XYLT2: variants seen among roughly 807,000 people sequenced by gnomAD.
XYLT2 encodes the protein xylosyltransferase 2.
A neutral mutation model predicts 82.6 loss-of-function variants in XYLT2; 37 were observed. The ratio of observed to expected loss-of-function variants is 0.45; its 90% CI spans 0.34 to 0.59. The LOEUF is 0.59. XYLT2 is among the 20% of genes least tolerant of loss of function. The pLI is 0.01. For missense variants in XYLT2, 934 were observed against 1,181.3 expected, an observed-to-expected ratio of 0.79 and a Z score of 3.07; for synonymous variants, 474 against 499.0, an observed-to-expected ratio of 0.95 and a Z score of 0.67.
intron 1 of XYLT2, among the ~76,000 whole-genome samples, chr17:50,348,935 G>A (rs1313657479): frequency 1.3e-5 from 2 of 152,208 alleles, no homozygotes; most frequent in East Asian, 1.9e-4. Flanking sequence ...CTGTGATGAC[G>A]ATGCTCCTTG....
Position 50,346,873 on chromosome 17 carries a change from A to G in XYLT2, c.135+598A>G. 1 of 985,348 alleles carries G rather than the reference A, an allele frequency of 1.0e-6. No homozygotes were observed. The highest frequency in any genetic ancestry group is 1.2e-6 in the Non-Finnish European group (1 of 829,908). 61.0% of individuals were successfully genotyped at this position (985,348 alleles called of 1,614,324 possible). A position where few individuals can be genotyped will look rare whatever the true frequency, so the allele number is the denominator to read the frequency against. On this transcript the variant is annotated intron_variant, in intron 1 of 10. Coordinates refer to ENST00000017003, the MANE Select transcript of XYLT2 (RefSeq NM_022167.4). This position sits in a 1 kb window ranked among gnomAD's most constrained non-coding sequence, Gnocchi z 5.1. ...AGTATTCCCGAGGTGTGGCTTCCTC[A>G]GCCGGGGGTTTGAAGAACCTGGATG...
Position 50,360,327 on chromosome 17 carries a change from A to T in XYLT2, c.*36A>T, listed in dbSNP as rs955913317. ...GCCAGTACCCGTGGAGGACCCGGGA[A>T]ATTGCACCTTACAGACAGTGGAGGG... On this transcript the variant is annotated 3_prime_UTR_variant, in exon 11 of 11. Transcript: ENST00000017003. 1.3e-6 allele frequency: 2 copies of T among 1,530,276 alleles called. No individual in the cohort carries two copies. The highest frequency in any genetic ancestry group is 1.4e-5 in the African/African-American group (1 of 72,566). The allele number at this position is 1,530,276 out of a possible 1,614,324, so 94.8% of individuals were successfully genotyped here. A position where few individuals can be genotyped will look rare whatever the true frequency, so the allele number is the denominator to read the frequency against.
At position 50,351,591 on chromosome 17, in the gene XYLT2, G is replaced by A. The variant is rs138291744; in HGVS notation, c.136-2039G>A. Among the ~76,000 whole-genome samples the A allele has an allele frequency of 2.5e-3, 378 of 152,178 alleles. 1 individual carries two copies. Among genetic ancestry groups the A allele is most frequent in the Non-Finnish European group, 4.5e-3 (308 of 68,006 alleles). ...AGAGGTTGCAGTGAGCCAAGATTGC[G>A]CCACTGCACCCCAGCCTGGGCAACA... On this transcript the variant is annotated intron_variant, in intron 1 of 10. Coordinates refer to ENST00000017003, the MANE Select transcript of XYLT2 (RefSeq NM_022167.4).
chr17:50,347,158 C>T (rs867080628), intron 1 of XYLT2, among the ~76,000 whole-genome samples: 25 of 152,270 alleles, frequency 1.6e-4, no homozygotes, highest in African/African-American at 5.3e-4. Context: ...GGTCTGGGTT[C>T]GTGCTGCGGA....
chr17:50,355,003 T>G lies in XYLT2; in HGVS notation c.954T>G (p.Pro318=), dbSNP rs576962870. 6.5e-7 allele frequency: 1 copy of G among 1,546,126 alleles called. No homozygotes were observed. Among genetic ancestry groups the G allele is most frequent in the African/African-American group, 1.4e-5 (1 of 72,958 alleles). ...LRSMRDLLEV[P]GWAWDFFINL... ...GCATGCGGGACCTGCTAGAGGTGCC[T>G]GGCTGGGCCTGGGACTTCTTCATCA... The change falls in exon 4 of 11, where the codon CCT becomes CCG. Residue 318 remains proline (P), a synonymous_variant. Coordinates refer to ENST00000017003, the MANE Select transcript of XYLT2 (RefSeq NM_022167.4).
intron 1 of XYLT2, among the ~76,000 whole-genome samples, chr17:50,353,288 C>T (rs1398078989): frequency 6.6e-6 from 1 of 152,064 alleles, no homozygotes; most frequent in East Asian, 1.9e-4. Flanking sequence ...TGCACCCTTC[C>T]CTTGGGACAC....
chr17:50,355,072 T>A lies in XYLT2; in HGVS notation c.1007+16T>A, dbSNP rs545816817. ...ATCCAACCAGGTGTGGGGATGGGGC[T>A]CTGAGTCCTCTGCATGGGAGGGGAC... On this transcript the variant is annotated intron_variant, in intron 4 of 10. Transcript: ENST00000017003. 1.1e-5 allele frequency: 17 copies of A among 1,522,168 alleles called. No individual in the cohort carries two copies. The East Asian group carries it at 3.9e-4, about 35-fold the overall frequency. 94.3% of individuals were successfully genotyped at this position (1,522,168 alleles called of 1,614,324 possible). A position where few individuals can be genotyped will look rare whatever the true frequency, so the allele number is the denominator to read the frequency against.
At chr17:50,348,525 T>C (rs1456797160) in intron 1 of XYLT2, among the ~76,000 whole-genome samples, 1 of 152,214 alleles carries the variant, frequency 6.6e-6, no homozygotes, top group Non-Finnish European at 1.5e-5. Context: ...TCAGTGTGCA[T>C]TTAAGACGTG....
chr17:50,357,447 C>T (rs759914558), intron 9 of XYLT2, 195 bp downstream of exon 9: 10 of 568,102 alleles, frequency 1.8e-5, no homozygotes, highest in Non-Finnish European at 3.1e-5. Context: ...TTGGGGTATG[C>T]AGAGGACATG....
At position 50,346,490 on chromosome 17, in the gene XYLT2, A is replaced by C; in HGVS notation, c.135+215A>C. 1.2e-6 allele frequency: 1 copy of C among 832,434 alleles called. No homozygotes were observed. The highest frequency in any genetic ancestry group is 6.0e-4 in the Middle Eastern group (1 of 1,654). 51.6% of individuals were successfully genotyped at this position (832,434 alleles called of 1,614,324 possible). On this transcript the variant is annotated intron_variant, in intron 1 of 10. Coordinates refer to ENST00000017003, the MANE Select transcript of XYLT2 (RefSeq NM_022167.4). The surrounding 1 kb of genome is among the most constrained non-coding windows in gnomAD (Gnocchi z 5.1). ...CGCGGGGGCAGTGCGTGACCTGGAGACCCGGGCCCTGGTGGATTGGGAGTC... is the reference window on the plus strand; with the variant it reads ...CGCGGGGGCAGTGCGTGACCTGGAGCCCCGGGCCCTGGTGGATTGGGAGTC...
In XYLT2 at chr17:50,358,263, G is replaced by A. The variant is rs140443495; in HGVS notation, c.1998G>A (p.Leu666=). 3.3e-5 allele frequency: 54 copies of A among 1,612,494 alleles called. No homozygotes were observed. The African/African-American group carries it at 5.6e-4, about 17-fold the overall frequency. ...ERLFRNFGGL[L]GPLDEPVAVQ... ...TTTTCCGGAACTTTGGGGGGTTACT[G>A]GGGCCGCTGGACGAGCCTGTGGCCG... The change falls in exon 10 of 11, where the codon CTG becomes CTA. Residue 666 remains leucine, a synonymous_variant. Transcript: ENST00000017003.
chr17:50,356,633 C>T lies in XYLT2; in HGVS notation c.1605C>T (p.Ala535=), dbSNP rs1332173188. 1 of 1,614,158 alleles carries T rather than the reference C, an allele frequency of 6.2e-7. No homozygotes were observed. Among genetic ancestry groups the T allele is most frequent in the Admixed American group, 1.7e-5 (1 of 60,020 alleles). The part of the protein sequence containing the change: ...SYPPGTPALK[A]YWENTYDAAD... ...CCCCCGGCACGCCAGCCCTCAAGGC[C>T]TACTGGGAGAACACCTACGACGCGG... is the stretch of plus-strand genomic sequence containing the variant. The change falls in exon 8 of 11, where the codon GCC becomes GCT. Residue 535 remains alanine (A), a synonymous_variant. Coordinates refer to ENST00000017003, the MANE Select transcript of XYLT2 (RefSeq NM_022167.4).
Position 50,353,942 on chromosome 17 carries a change from GC to G in XYLT2, c.454del (p.Gln152SerfsTer57). On this transcript the variant is annotated frameshift_variant, in exon 2 of 11. Coordinates refer to ENST00000017003, the MANE Select transcript of XYLT2 (RefSeq NM_022167.4). LOFTEE classifies it high-confidence loss of function. The stretch of plus-strand genomic sequence containing the variant: ...CGGAGATACAGGGAGCGTGGAGGGC[GC>G]CCCCCAGCCCACGGACAATGGCTTC... Reference protein sequence around the residue: ...PHGDTGSVEGAPQPTDNGFTP... With the variant: ...PHGDTGSVEGXPQPTDNGFTP... The G allele has an allele frequency of 3.7e-6, 6 of 1,606,808 alleles. No individual in the cohort carries two copies.
At chr17:50,352,944 C>T (rs1912333140) in intron 1 of XYLT2, among the ~76,000 whole-genome samples, 1 of 152,208 alleles carries the variant, frequency 6.6e-6, no homozygotes, top group South Asian at 2.1e-4. Context: ...CTTCTTGCCC[C>T]TCTCCTTGCA....
At chr17:50,354,774 G>T in intron 3 of XYLT2, 80 bp from the exon 4 acceptor site, 2 of 1,588,754 alleles carry the variant, frequency 1.3e-6, no homozygotes, top group Non-Finnish European at 1.7e-6. Flanking sequence ...TCCTCGTCTT[G>T]TGTCCCTTCA....
rs571962145 is a variant in XYLT2 at position 50,354,439 on chromosome 17, G to C, written c.660G>C (p.Glu220Asp). 4.5e-4 allele frequency: 727 copies of C among 1,611,050 alleles called. 6 individuals are homozygous for C. In the South Asian group the frequency reaches 7.2e-3, roughly 16 times the overall value. Reference protein sequence around the residue: ...GKMSPGIQWDESQAQQPMDGP... With the variant: ...GKMSPGIQWDDSQAQQPMDGP... ...TGAGCCCCGGCATCCAGTGGGATGA[G>C]AGCCAAGCCCAGCAGCCCATGGATG... Residue 220 changes from glutamate to aspartate, a missense_variant, in exon 3 of 11, where the codon GAG becomes GAC. Around this residue, in one of 3 missense-constraint regions of XYLT2, gnomAD observed 371 missense variants for 394.9 expected, o/e 0.94. Transcript: ENST00000017003.
chr17:50,356,607 C>A lies in XYLT2; in HGVS notation c.1579C>A (p.Pro527Thr). Residue 527 changes from proline to threonine, a missense_variant, in exon 8 of 11, where the codon CCC becomes ACC. Pro to Thr is a conservative substitution (Grantham distance 38). Coordinates refer to ENST00000017003, the MANE Select transcript of XYLT2 (RefSeq NM_022167.4). ...GGACTTCCACCTGTATGGCAGCTACCCCCCCGGCACGCCAGCCCTCAAGGC... is the reference window on the plus strand; with the variant it reads ...GGACTTCCACCTGTATGGCAGCTACACCCCCGGCACGCCAGCCCTCAAGGC... ...ILDFHLYGSY[P>T]PGTPALKAYW... The A allele has an allele frequency of 6.2e-7, 1 of 1,614,098 alleles. No homozygotes were observed. The highest frequency in any genetic ancestry group is 1.1e-5 in the South Asian group (1 of 91,074).
At position 50,354,502 on chromosome 17, in the gene XYLT2, C is replaced by T. The variant is rs529952423; in HGVS notation, c.723C>T (p.His241=). 37 of 1,613,288 alleles carry T rather than the reference C, an allele frequency of 2.3e-5. No individual in the cohort carries two copies. The highest frequency in any genetic ancestry group is 6.7e-5 in the African/African-American group (5 of 75,050). The stretch of plus-strand genomic sequence containing the variant: ...GAATCGCCTACATGCTGGTGGTTCA[C>T]GGCCGCGCCATCCGCCAGCTGAAGC... ...PVRIAYMLVV[H]GRAIRQLKRL... The change falls in exon 3 of 11, where the codon CAC becomes CAT. Residue 241 remains histidine (H), a synonymous_variant. Coordinates refer to ENST00000017003, the MANE Select transcript of XYLT2 (RefSeq NM_022167.4).
intron 3 of XYLT2, 29 bp from the exon 4 acceptor site, chr17:50,354,825 A>T: frequency 1.2e-6 from 2 of 1,610,732 alleles, no homozygotes; most frequent in South Asian, 2.2e-5. Context: ...ATAACACTGG[A>T]GGCTAGCTGA....
Sources: gnomAD v4.1 joint callset for allele counts (sites outside exome capture counted in the v4.1 genomes callset) on GRCh38, gnomAD v4.1.1 for gene constraint, gnomAD v4.1.1 regional missense constraint, Gnocchi (gnomAD v3.1) non-coding constraint, MANE v1.5 for transcripts, NCBI Gene and HGNC (gene_info 2026-07-23, HGNC 2026-07-21) for gene names.